SNX29: variants seen among roughly 807,000 people sequenced by gnomAD.
The protein encoded by SNX29 is sorting nexin 29.
Under a neutral mutation model 102.1 loss-of-function variants are expected in SNX29, and 78 were observed. The ratio of observed to expected loss-of-function variants is 0.76; its 90% CI spans 0.64 to 0.92. The LOEUF (loss-of-function observed/expected upper bound fraction) is 0.92. SNX29 is among the 40% of genes least tolerant of loss of function. The pLI, the probability that SNX29 is intolerant of heterozygous loss-of-function variation, is 0.00. For synonymous variants in SNX29, 580 were observed against 414.5 expected, an observed-to-expected ratio of 1.40 and a Z score of -4.85; for missense variants, 1,280 against 1,061.7, an observed-to-expected ratio of 1.21 and a Z score of -2.86.
intron 16 of SNX29, among the ~76,000 whole-genome samples, chr16:12,384,352 TCC>T (rs1157370331): frequency 6.6e-6 from 1 of 152,200 alleles, no homozygotes; most frequent in East Asian, 1.9e-4. Context: ...GTACAAGGCT[TCC>T]CTTTTCTCCA....
chr16:12,195,381 C>T (rs985324642), intron 13 of SNX29, among the ~76,000 whole-genome samples: 1 of 152,232 alleles, frequency 6.6e-6, no homozygotes, highest in Non-Finnish European at 1.5e-5. Context: ...TTTCTAAATA[C>T]AGTTTCTTAG....
chr16:12,524,641 G>A, intron 19 of SNX29, 61 bp from the exon 20 acceptor site: 1 of 1,571,232 alleles, frequency 6.4e-7, no homozygotes, highest in Admixed American at 1.8e-5. Context: ...CTGTTCTATA[G>A]GGTCATTTCT....
At chr16:12,033,632 G>A (rs2057400879) in intron 4 of SNX29, among the ~76,000 whole-genome samples, 2 of 149,950 alleles carry the variant, frequency 1.3e-5, no homozygotes, top group South Asian at 4.2e-4. Context: ...TTTTGAGATG[G>A]AGTCTGATCT....
In SNX29 at chr16:12,331,719, C is replaced by G. The variant is rs896121972; in HGVS notation, c.1783-24444C>G. On this transcript the variant is annotated intron_variant, in intron 15 of 20. Coordinates refer to ENST00000566228, the MANE Select transcript of SNX29 (RefSeq NM_032167.5). ...GGCGCCCGCCTCCACACCTGGCTAA[C>G]TTTTGTATTTTTAGTAGAGATGTCG... Among the ~76,000 whole-genome samples, 10 of 152,094 alleles carry G rather than the reference C, an allele frequency of 6.6e-5. No individual in the cohort carries two copies. The Middle Eastern group carries it at 0.014, about 207-fold the overall frequency.
At chr16:12,475,603 C>A (rs2087554990) in intron 18 of SNX29, among the ~76,000 whole-genome samples, 1 of 152,210 alleles carries the variant, frequency 6.6e-6, no homozygotes, top group Non-Finnish European at 1.5e-5. Context: ...GCCTAGTCTA[C>A]CTTCAACCTG....
chr16:12,418,715 C>G (rs1384101464), intron 18 of SNX29, among the ~76,000 whole-genome samples: 1 of 152,060 alleles, frequency 6.6e-6, no homozygotes, highest in East Asian at 1.9e-4. Flanking sequence ...GGGTTTTGCC[C>G]TGTTGGTTAG....
At chr16:12,211,667 C>T (rs897982846) in intron 14 of SNX29, among the ~76,000 whole-genome samples, 3 of 152,118 alleles carry the variant, frequency 2.0e-5, no homozygotes, top group Non-Finnish European at 4.4e-5. Flanking sequence ...GCAGGGTGGG[C>T]CTCTAGGCTG....
chr16:12,571,951 G>T lies in SNX29; in HGVS notation c.*3322G>T. 9.4e-7 allele frequency: 1 copy of T among 1,061,836 alleles called. No individual in the cohort carries two copies. The highest frequency in any genetic ancestry group is 1.1e-6 in the Non-Finnish European group (1 of 877,052). 65.8% of individuals were successfully genotyped at this position (1,061,836 alleles called of 1,614,324 possible). A position where few individuals can be genotyped will look rare whatever the true frequency, so the allele number is the denominator to read the frequency against. On this transcript the variant is annotated 3_prime_UTR_variant, in exon 21 of 21. Coordinates refer to ENST00000566228, the MANE Select transcript of SNX29 (RefSeq NM_032167.5). ...GAAGGAAGACACTTTCAGGGAAGAG[G>T]CTCTTACAGTCTATGGTGGTAGCCA...
At chr16:12,417,512 G>A (rs1343900797) in intron 18 of SNX29, among the ~76,000 whole-genome samples, 2 of 152,152 alleles carry the variant, frequency 1.3e-5, no homozygotes, top group East Asian at 1.9e-4. Context: ...TTTGCTCCCC[G>A]CTTTGCACAC....
Position 12,069,079 on chromosome 16 carries a change from G to T in SNX29, c.1266G>T (p.Glu422Asp), listed in dbSNP as rs1194092077. The T allele has an allele frequency of 6.2e-7, 1 of 1,613,904 alleles. No individual in the cohort carries two copies. Among genetic ancestry groups the T allele is most frequent in the South Asian group, 1.1e-5 (1 of 91,064 alleles). Residue 422 changes from glutamate (E) to aspartate (D), a missense_variant, in exon 10 of 21, where the codon GAG (glutamate) becomes GAT (aspartate). Transcript: ENST00000566228. ...CAGATGCCCCCCTCGGAAGCCTGGA[G>T]AACGGGACAGGACCAGAGGACCACG... ...SPADAPLGSL[E>D]NGTGPEDHVL...
intron 9 of SNX29, among the ~76,000 whole-genome samples, chr16:12,066,527 A>G (rs2051045886): frequency 6.6e-6 from 1 of 152,150 alleles, no homozygotes; most frequent in South Asian, 2.1e-4. Flanking sequence ...GAGATTCAAG[A>G]CAGGTCTGGG....
intron 16 of SNX29, among the ~76,000 whole-genome samples, chr16:12,362,495 T>A (rs2082328296): frequency 6.6e-6 from 1 of 150,774 alleles, no homozygotes; most frequent in Non-Finnish European, 1.5e-5. Context: ...CCAAATTAAG[T>A]ATTTTCCCTT....
At chr16:12,011,834 A>G (rs899452650) in intron 3 of SNX29, among the ~76,000 whole-genome samples, 1 of 152,126 alleles carries the variant, frequency 6.6e-6, no homozygotes. Flanking sequence ...TAAACCTCGC[A>G]TGCACCATCT....
intron 14 of SNX29, among the ~76,000 whole-genome samples, chr16:12,215,780 A>G (rs1281743224): frequency 2.6e-5 from 4 of 152,152 alleles, no homozygotes; most frequent in Non-Finnish European, 5.9e-5. Context: ...TGGGGAATGA[A>G]TTCCTCCAAA....
At chr16:12,511,157 AC>A (rs1216795836) in intron 19 of SNX29, among the ~76,000 whole-genome samples, 4 of 152,112 alleles carry the variant, frequency 2.6e-5, no homozygotes, top group African/African-American at 7.2e-5. Flanking sequence ...ATTTTGGTTC[AC>A]CCTATGTGAA....
intron 3 of SNX29, among the ~76,000 whole-genome samples, chr16:12,004,738 C>A (rs1238542133): frequency 6.6e-6 from 1 of 152,176 alleles, no homozygotes; most frequent in East Asian, 1.9e-4. Context: ...AGCATGTAGA[C>A]CTTCCTGGAA....
chr16:12,536,483 A>G (rs1042184399), intron 20 of SNX29, among the ~76,000 whole-genome samples: 2 of 152,114 alleles, frequency 1.3e-5, no homozygotes, highest in African/African-American at 4.8e-5. Context: ...TTTATCAGTG[A>G]TCCTGGATTA....
chr16:12,114,322 TAGG>T (rs1567218252), intron 11 of SNX29, among the ~76,000 whole-genome samples: 1 of 152,264 alleles, frequency 6.6e-6, no homozygotes, highest in East Asian at 1.9e-4. Flanking sequence ...AGGGCTCTGT[TAGG>T]AGGAGAGAGG....
intron 16 of SNX29, 108 bp from the exon 17 acceptor site, chr16:12,398,338 A>G: frequency 3.3e-6 from 4 of 1,215,962 alleles, no homozygotes; most frequent in African/African-American, 1.5e-5. Flanking sequence ...TTCATTCTGA[A>G]TAGGAAATGT....
Sources: gnomAD v4.1 joint callset for allele counts (sites outside exome capture counted in the v4.1 genomes callset) on GRCh38, gnomAD v4.1.1 for gene constraint, MANE v1.5 for transcripts, NCBI Gene and HGNC (gene_info 2026-07-23, HGNC 2026-07-21) for gene names.